Variants in COMMD1 observed in about 807,000 individuals in gnomAD.
COMMD1 encodes copper metabolism domain containing 1.
COMMD1 carries 10 observed loss-of-function variants against 17.2 expected under a neutral mutation model. That is an observed-to-expected ratio of 0.58 (90% confidence interval 0.36 to 0.99). COMMD1 has a LOEUF of 0.99. COMMD1 is among the 50% of genes least tolerant of loss of function. The pLI is 0.01. For missense variants in COMMD1, 270 were observed against 231.8 expected (o/e 1.17, Z -1.07); for synonymous variants, 97 against 91.6 (o/e 1.06, Z -0.34).
At chr2:61,971,859 G>A (rs1474265169) in intron 1 of COMMD1, among the ~76,000 whole-genome samples, 1 of 152,122 alleles carries the variant, frequency 6.6e-6, no homozygotes, top group Non-Finnish European at 1.5e-5. Context: ...GGTGGCTCAT[G>A]CCTGTAATCC....
At chr2:62,101,840 T>G (rs759402083) in intron 2 of COMMD1, among the ~76,000 whole-genome samples, 8 of 152,198 alleles carry the variant, frequency 5.3e-5, no homozygotes, top group Non-Finnish European at 8.8e-5. Context: ...CCTTGGTAGC[T>G]CTCTAAACAC....
chr2:61,902,296 G>A (rs909590353), upstream of COMMD1, among the ~76,000 whole-genome samples: 5 of 151,460 alleles, frequency 3.3e-5, no homozygotes, highest in African/African-American at 7.3e-5. Flanking sequence ...TCACGAGGTC[G>A]GGAGTTCGAG....
chr2:62,094,920 T>C (rs1171067171), intron 2 of COMMD1, among the ~76,000 whole-genome samples: 1 of 152,254 alleles, frequency 6.6e-6, no homozygotes, highest in Admixed American at 6.5e-5. Context: ...ATATTTCTTT[T>C]CTGTTCAGAT....
At chr2:61,926,871 G>C (rs1288105355) in intron 1 of COMMD1, among the ~76,000 whole-genome samples, 2 of 152,026 alleles carry the variant, frequency 1.3e-5, no homozygotes, top group African/African-American at 2.4e-5. Flanking sequence ...ATAGGCCACA[G>C]GTGCCTCTGT....
intron 1 of COMMD1, among the ~76,000 whole-genome samples, chr2:61,898,211 T>TA (rs1470431464): frequency 2.6e-4 from 40 of 152,156 alleles, no homozygotes; most frequent in African/African-American, 9.7e-4. Flanking sequence ...CATGGTGGCT[T>TA]ACACCTGTAA....
chr2:61,988,049 C>T (rs577093017), intron 1 of COMMD1, among the ~76,000 whole-genome samples: 1 of 152,232 alleles, frequency 6.6e-6, no homozygotes, highest in South Asian at 2.1e-4. Context: ...TGCAACTCAC[C>T]CTTCCTGGCA....
chr2:61,994,063 T>C (rs1468133362), intron 1 of COMMD1, among the ~76,000 whole-genome samples: 1 of 152,164 alleles, frequency 6.6e-6, no homozygotes, highest in Non-Finnish European at 1.5e-5. Context: ...CTTGGCTCAC[T>C]GCAACCTTCG....
chr2:61,931,311 CA>C (rs1236970513), intron 1 of COMMD1, among the ~76,000 whole-genome samples: 1 of 151,594 alleles, frequency 6.6e-6, no homozygotes. Context: ...GACCTTGTCT[CA>C]AAAAAATAAA....
intron 2 of COMMD1, among the ~76,000 whole-genome samples, chr2:62,029,123 C>T (rs760537837): frequency 6.6e-6 from 1 of 152,052 alleles, no homozygotes; most frequent in Non-Finnish European, 1.5e-5. Context: ...ATCCACTGTA[C>T]CTAAGAATAG....
At chr2:62,004,131 AAAAAAG>A (rs1178826559) in intron 2 of COMMD1, among the ~76,000 whole-genome samples, 10 of 152,150 alleles carry the variant, frequency 6.6e-5, no homozygotes, top group African/African-American at 1.7e-4. Flanking sequence ...GTGTCTCAGA[AAAAAAG>A]AAAAAGAAAA....
intron 1 of COMMD1, among the ~76,000 whole-genome samples, chr2:61,935,778 C>T (rs978890951): frequency 6.6e-6 from 1 of 152,036 alleles, no homozygotes; most frequent in African/African-American, 2.4e-5. Context: ...TATATAAGTG[C>T]AGCAAGAATG....
intron 2 of COMMD1, among the ~76,000 whole-genome samples, chr2:62,100,806 A>G (rs927628519): frequency 6.6e-6 from 1 of 152,120 alleles, no homozygotes; most frequent in Non-Finnish European, 1.5e-5. Context: ...TCTCTTCAGG[A>G]TTGGGAGGAC....
At chr2:62,053,282 A>G (rs903317484) in intron 2 of COMMD1, among the ~76,000 whole-genome samples, 1 of 152,162 alleles carries the variant, frequency 6.6e-6, no homozygotes, top group Admixed American at 6.5e-5. Context: ...ACCAAGACCA[A>G]CTAATAGGAA....
intron 1 of COMMD1, among the ~76,000 whole-genome samples, chr2:61,923,603 A>AG (rs1670251144): frequency 6.6e-6 from 1 of 152,134 alleles, no homozygotes; most frequent in South Asian, 2.1e-4. Flanking sequence ...GTTGAGTCCA[A>AG]GGATACCAAG....
intron 2 of COMMD1, among the ~76,000 whole-genome samples, chr2:62,092,796 A>G (rs1435956339): frequency 1.3e-5 from 2 of 152,146 alleles, no homozygotes; most frequent in Admixed American, 6.5e-5. Context: ...AGCCAACCTC[A>G]TAGGTCTCCC....
At chr2:62,089,443 C>G (rs1159661186) in intron 2 of COMMD1, among the ~76,000 whole-genome samples, 1 of 151,836 alleles carries the variant, frequency 6.6e-6, no homozygotes, top group Non-Finnish European at 1.5e-5. Flanking sequence ...GCTACCACAT[C>G]CGGCTAATTT....
chr2:61,943,735 T>C (rs1323462391), intron 1 of COMMD1, among the ~76,000 whole-genome samples: 1 of 152,038 alleles, frequency 6.6e-6, no homozygotes, highest in Non-Finnish European at 1.5e-5. Flanking sequence ...CTCGGGAGGC[T>C]TGGACAGGAG....
chr2:61,927,543 C>G (rs1039628371), intron 1 of COMMD1, among the ~76,000 whole-genome samples: 1 of 152,064 alleles, frequency 6.6e-6, no homozygotes, highest in Non-Finnish European at 1.5e-5. Context: ...CAGATGCCCG[C>G]CCGCCACCAT....
chr2:61,957,715 A>G (rs908797739), intron 1 of COMMD1, among the ~76,000 whole-genome samples: 17 of 152,244 alleles, frequency 1.1e-4, no homozygotes, highest in Non-Finnish European at 2.5e-4. Context: ...TCTTTGACGT[A>G]AAAACACAAG....
Sources: allele counts gnomAD v4.1 joint callset (sites outside exome capture counted in the v4.1 genomes callset), GRCh38; gene constraint gnomAD v4.1.1; transcripts MANE v1.5; gene names NCBI Gene and HGNC (gene_info 2026-07-23, HGNC 2026-07-21).